CFAP54: variants seen among roughly 807,000 people sequenced by gnomAD.
CFAP54 encodes the protein cilia and flagella associated protein 54, also known as cilia- and flagella-associated protein 54.
CFAP54 carries 290 observed loss-of-function variants against 370.4 expected under a neutral mutation model. The observed-to-expected ratio is 0.78, with a 90% confidence interval of 0.71 to 0.86. The LOEUF (loss-of-function observed/expected upper bound fraction) is 0.86. Ranked by LOEUF, CFAP54 falls within the 40% of genes least tolerant of loss-of-function variation. The probability of loss-of-function intolerance (pLI) is 0.00; values close to 1 mark genes in which losing one functional copy is unlikely to be tolerated. For missense variants in CFAP54, 3,399 were observed against 3,528.7 expected (o/e 0.96, Z 0.93); for synonymous variants, 1,206 against 1,236.5 (o/e 0.98, Z 0.52).
rs753116216 is a variant in CFAP54 at position 96,691,227 on chromosome 12, A to G, written c.6181A>G (p.Arg2061Gly). The change falls in exon 44 of 68, where the codon AGA becomes GGA. Residue 2061 changes from arginine to glycine, a missense_variant. Arg to Gly is a moderately radical substitution (Grantham distance 125, BLOSUM62 -2). Transcript: ENST00000524981. The stretch of plus-strand genomic sequence containing the variant: ...CCCAGGCATTGAACTCTTCTCAGAT[A>G]GATACAGGGCTGACATTTGCTCTGT... ...LLPGIELFSD[R>G]YRADICSVIA... 2.0e-5 allele frequency: 32 copies of G among 1,613,478 alleles called. No homozygotes were observed. The South Asian group carries it at 3.2e-4, about 16-fold the overall frequency.
intron 3 of CFAP54, among the ~76,000 whole-genome samples, chr12:96,506,589 C>CTTTTTT (rs71068809): frequency 2.8e-4 from 37 of 130,840 alleles, no homozygotes; most frequent in Non-Finnish European, 4.5e-4. Flanking sequence ...CTTTTCTTTT[C>CTTTTTT]TTTTTTTTTT....
intron 15 of CFAP54, among the ~76,000 whole-genome samples, chr12:96,551,232 T>C (rs1402192395): frequency 6.6e-6 from 1 of 152,144 alleles, no homozygotes; most frequent in Non-Finnish European, 1.5e-5. Flanking sequence ...TACTCCATTC[T>C]AGGCTGGAGT....
rs556104232 is a variant in CFAP54 at position 96,794,901 on chromosome 12, T to A, written c.8850+2402T>A. On this transcript the variant is annotated intron_variant, in intron 63 of 67. Coordinates refer to ENST00000524981, the MANE Select transcript of CFAP54 (RefSeq NM_001306084.2). Reference sequence around the variant, plus strand: ...AGGGAAGATCTGGGACTCAGGGGCTTCTGTTGAGATTCTTTTGTCCCATGG... The same window carrying A: ...AGGGAAGATCTGGGACTCAGGGGCTACTGTTGAGATTCTTTTGTCCCATGG... 4.6e-5 allele frequency among the ~76,000 whole-genome samples: 7 copies of A among 152,264 alleles called. No homozygotes were observed. The East Asian group carries it at 1.4e-3, about 29-fold the overall frequency.
intron 11 of CFAP54, among the ~76,000 whole-genome samples, chr12:96,534,569 G>A (rs963551130): frequency 6.6e-6 from 1 of 152,190 alleles, no homozygotes; most frequent in Non-Finnish European, 1.5e-5. Context: ...GTGAATCAGA[G>A]GACAAAGTCA....
intron 22 of CFAP54, among the ~76,000 whole-genome samples, chr12:96,582,230 A>G (rs1169709631): frequency 6.6e-6 from 1 of 152,206 alleles, no homozygotes; most frequent in Non-Finnish European, 1.5e-5. Flanking sequence ...GTTTTTAGTT[A>G]GGGATATACT....
intron 1 of CFAP54, among the ~76,000 whole-genome samples, chr12:96,492,325 C>G (rs1323862392): frequency 6.6e-6 from 1 of 152,176 alleles, no homozygotes; most frequent in Non-Finnish European, 1.5e-5. Context: ...CTGAGCTCAG[C>G]TCATCCCTCA....
intron 30 of CFAP54, among the ~76,000 whole-genome samples, chr12:96,629,060 C>T (rs984183936): frequency 6.6e-6 from 1 of 152,120 alleles, no homozygotes; most frequent in African/African-American, 2.4e-5. Flanking sequence ...TGGGAGCTTG[C>T]AAAAGATGGA....
At chr12:96,654,290 A>G (rs1956895212) in intron 36 of CFAP54, among the ~76,000 whole-genome samples, 2 of 152,144 alleles carry the variant, frequency 1.3e-5, no homozygotes, top group African/African-American at 4.8e-5. Flanking sequence ...TCACGATGTC[A>G]GGAGATCGAG....
At chr12:96,851,678 T>C (rs916661671) in intron 66 of CFAP54, among the ~76,000 whole-genome samples, 1 of 151,934 alleles carries the variant, frequency 6.6e-6, no homozygotes, top group Admixed American at 6.6e-5. Flanking sequence ...AGTGGCAAAA[T>C]TATAAAATGC....
rs550738319 is a variant in CFAP54, at chr12:96,589,099, G to A, written c.3076-328G>A. Among the ~76,000 whole-genome samples the A allele has an allele frequency of 3.9e-4, 60 of 152,288 alleles. 1 individual carries two copies. In the South Asian group the frequency reaches 0.012, roughly 30 times the overall value. Reference sequence around the variant, plus strand: ...GTATCTATAATAAATGGAGTGCACTGCTGAGATAGATGGAAATGAAATTAA... The same window carrying A: ...GTATCTATAATAAATGGAGTGCACTACTGAGATAGATGGAAATGAAATTAA... On this transcript the variant is annotated intron_variant, in intron 22 of 67. Transcript: ENST00000524981.
chr12:96,694,322 G>C (rs1957417935), intron 45 of CFAP54, among the ~76,000 whole-genome samples: 1 of 152,100 alleles, frequency 6.6e-6, no homozygotes. Context: ...ACATGGAGTG[G>C]GAAGCACCTT....
chr12:96,820,627 A>C (rs1441605472), intron 65 of CFAP54, among the ~76,000 whole-genome samples: 1 of 152,204 alleles, frequency 6.6e-6, no homozygotes, highest in African/African-American at 2.4e-5. Flanking sequence ...CCAATGTTGC[A>C]ACATGAATTA....
chr12:96,817,295 T>A (rs1250024530), intron 64 of CFAP54, among the ~76,000 whole-genome samples: 1 of 152,210 alleles, frequency 6.6e-6, no homozygotes, highest in Admixed American at 6.5e-5. Flanking sequence ...TAAGACTGTG[T>A]CTCTTTGCTC....
chr12:96,729,922 A>G (rs1292388227), intron 50 of CFAP54, among the ~76,000 whole-genome samples: 2 of 152,138 alleles, frequency 1.3e-5, no homozygotes, highest in Admixed American at 1.3e-4. Context: ...GTCAAGACAA[A>G]TTCTCTTGAA....
At position 96,610,811 on chromosome 12, in the gene CFAP54, G is replaced by A. The variant is rs191785760; in HGVS notation, c.3640-10779G>A. Among the ~76,000 whole-genome samples, 258 of 152,312 alleles carry A rather than the reference G, an allele frequency of 1.7e-3. 3 individuals carry two copies. Among genetic ancestry groups the A allele is most frequent in the Admixed American group, 0.015 (229 of 15,300 alleles). On this transcript the variant is annotated intron_variant, in intron 26 of 67. Coordinates refer to ENST00000524981, the MANE Select transcript of CFAP54 (RefSeq NM_001306084.2). ...ATTGCTAGCACAGCAGTCTGAGACC[G>A]AGCTGCAAGGTGGCAGCAAGGCTGG...
At position 96,554,751 on chromosome 12, in the gene CFAP54, C is replaced by T; in HGVS notation, c.2359C>T (p.Leu787=). ...TTTCATGATGGATTTGCATCTTGAA[C>T]TAATTCAAGCTCAGCATCGAATAGC... ...NSFMMDLHLE[L]IQAQHRIAVV... Residue 787 remains leucine (L), a synonymous_variant, in exon 17 of 68, where the codon CTA becomes TTA. Coordinates refer to ENST00000524981, the MANE Select transcript of CFAP54 (RefSeq NM_001306084.2). 1 of 1,534,912 alleles carries T rather than the reference C, an allele frequency of 6.5e-7. No individual in the cohort carries two copies. Among genetic ancestry groups the T allele is most frequent in the Non-Finnish European group, 8.7e-7 (1 of 1,146,102 alleles).
intron 57 of CFAP54, 150 bp downstream of exon 57, chr12:96,756,713 G>T: frequency 1.6e-6 from 1 of 629,400 alleles, no homozygotes; most frequent in Non-Finnish European, 2.8e-6. Flanking sequence ...GTTGCTCTTT[G>T]TTCTGACCCA....
At chr12:96,585,133 G>T (rs905344840) in intron 22 of CFAP54, among the ~76,000 whole-genome samples, 6 of 151,024 alleles carry the variant, frequency 4.0e-5, no homozygotes, top group African/African-American at 1.5e-4. Context: ...CTTGTGACTT[G>T]TTTTTATTTT....
intron 66 of CFAP54, among the ~76,000 whole-genome samples, chr12:96,856,464 C>T (rs1016514369): frequency 2.0e-5 from 3 of 152,088 alleles, no homozygotes; most frequent in Non-Finnish European, 4.4e-5. Flanking sequence ...TGCCAGATAC[C>T]CTTAATTATC....
Sources: gnomAD v4.1 joint callset for allele counts (sites outside exome capture counted in the v4.1 genomes callset) on GRCh38, gnomAD v4.1.1 for gene constraint, MANE v1.5 for transcripts, NCBI Gene and HGNC (gene_info 2026-07-23, HGNC 2026-07-21) for gene names.